Variants in NCKAP5 observed in about 807,000 individuals in gnomAD.
The protein encoded by NCKAP5 is NCK associated protein 5.
In NCKAP5, 92 loss-of-function variants were observed where a neutral mutation model predicts 167.0. The ratio of observed to expected loss-of-function variants is 0.55; its 90% CI spans 0.47 to 0.66. The LOEUF is 0.66. NCKAP5 is among the 30% of genes least tolerant of loss of function. NCKAP5 has a pLI of 0.00. For synonymous variants in NCKAP5, 891 were observed against 877.4 expected, an observed-to-expected ratio of 1.02 and a Z score of -0.27; for missense variants, 2,378 against 2,315.0, an observed-to-expected ratio of 1.03 and a Z score of -0.56.
intron 19 of NCKAP5, among the ~76,000 whole-genome samples, chr2:132,698,043 T>G (rs560105365): frequency 2.6e-5 from 4 of 152,226 alleles, no homozygotes; most frequent in Non-Finnish European, 5.9e-5. Context: ...AACTCACTGC[T>G]TACTTCTGCG....
Position 133,517,556 on chromosome 2 carries a change from T to G in NCKAP5, c.-30A>C, listed in dbSNP as rs1355019500. ...GAAGTTATTTATTTTCTTTTGTGAC[T>G]TATAAGAATCCCCCGTCTGTTTCCA... On this transcript the variant is annotated 5_prime_UTR_variant, in exon 3 of 20. Transcript: ENST00000409261. 7.0e-7 allele frequency: 1 copy of G among 1,421,340 alleles called. No individual in the cohort carries two copies. The highest frequency in any genetic ancestry group is 1.4e-5 in the African/African-American group (1 of 69,400). The allele number at this position is 1,421,340 out of a possible 1,614,324, so 88.0% of individuals were successfully genotyped here.
At chr2:132,931,726 G>T (rs1696392612) in intron 8 of NCKAP5, among the ~76,000 whole-genome samples, 1 of 152,080 alleles carries the variant, frequency 6.6e-6, no homozygotes, top group Non-Finnish European at 1.5e-5. Flanking sequence ...TTATTTTTCA[G>T]CCTCTTCCTA....
chr2:132,677,202 C>G (rs1684598986), intron 19 of NCKAP5, among the ~76,000 whole-genome samples: 1 of 151,864 alleles, frequency 6.6e-6, no homozygotes, highest in Non-Finnish European at 1.5e-5. Context: ...GTACAGATGA[C>G]TTTTTGGTGG....
chr2:133,582,664 C>T, the NCKAP5 span, among the ~76,000 whole-genome samples: 1 of 152,124 alleles, frequency 6.6e-6, no homozygotes, highest in Non-Finnish European at 1.5e-5. Context: ...CATAAATGTC[C>T]CCATTTTACA....
At chr2:133,616,875 T>C in the NCKAP5 span, among the ~76,000 whole-genome samples, 1 of 152,180 alleles carries the variant, frequency 6.6e-6, no homozygotes, top group Non-Finnish European at 1.5e-5. Context: ...ACCAATATCC[T>C]TGATGAACCT....
chr2:133,297,630 A>C (rs952845072), intron 4 of NCKAP5, among the ~76,000 whole-genome samples: 9 of 152,184 alleles, frequency 5.9e-5, no homozygotes, highest in Non-Finnish European at 7.4e-5. Flanking sequence ...CTTTGCACCT[A>C]GTCCTATATT....
chr2:133,329,967 C>A (rs1393824518), intron 3 of NCKAP5, among the ~76,000 whole-genome samples: 5 of 150,152 alleles, frequency 3.3e-5, no homozygotes, highest in African/African-American at 9.8e-5. Context: ...GAGGGGCCAG[C>A]GTCTAAGACA....
chr2:132,933,937 G>T (rs556967336), intron 8 of NCKAP5, among the ~76,000 whole-genome samples: 1 of 152,308 alleles, frequency 6.6e-6, no homozygotes, highest in Non-Finnish European at 1.5e-5. Context: ...ATTGTCGAGA[G>T]CATCAGCAGA....
chr2:133,441,550 T>C (rs748661127), intron 3 of NCKAP5, among the ~76,000 whole-genome samples: 8 of 152,228 alleles, frequency 5.3e-5, no homozygotes, highest in African/African-American at 1.7e-4. Flanking sequence ...AAATTGCCCA[T>C]GTAATCACAC....
intron 16 of NCKAP5, among the ~76,000 whole-genome samples, chr2:132,760,189 T>C (rs1680883642): frequency 6.6e-6 from 1 of 152,168 alleles, no homozygotes; most frequent in Non-Finnish European, 1.5e-5. Flanking sequence ...TTTACCACTT[T>C]CTCTACTTAA....
chr2:132,936,723 GC>G (rs1354403269), intron 8 of NCKAP5, among the ~76,000 whole-genome samples: 4 of 152,158 alleles, frequency 2.6e-5, no homozygotes, highest in African/African-American at 9.7e-5. Flanking sequence ...ACACAAATGT[GC>G]TTACAGTAAT....
chr2:133,384,242 A>C (rs911237440), intron 3 of NCKAP5, among the ~76,000 whole-genome samples: 2 of 152,206 alleles, frequency 1.3e-5, no homozygotes, highest in African/African-American at 4.8e-5. Context: ...TATAAAGTGT[A>C]AGGAAGGGAT....
chr2:133,352,054 G>C (rs1050465792), intron 3 of NCKAP5, among the ~76,000 whole-genome samples: 1 of 152,086 alleles, frequency 6.6e-6, no homozygotes, highest in Non-Finnish European at 1.5e-5. Context: ...GGGGTGACAG[G>C]ACCTGCAACC....
At chr2:133,498,312 G>A (rs73960213) in intron 3 of NCKAP5, among the ~76,000 whole-genome samples, 4,847 of 152,110 alleles carry the variant, frequency 0.032, 122 homozygotes, top group African/African-American at 0.06. Context: ...TTCCTTTCAG[G>A]ATATTTACAT....
intron 10 of NCKAP5, among the ~76,000 whole-genome samples, chr2:132,866,177 A>C (rs943925057): frequency 2.0e-5 from 3 of 152,216 alleles, no homozygotes; most frequent in African/African-American, 7.2e-5. Context: ...GTTCATATGA[A>C]CGAAAATAAC....
chr2:132,946,998 G>A (rs1222411609), intron 8 of NCKAP5, among the ~76,000 whole-genome samples: 1 of 152,134 alleles, frequency 6.6e-6, no homozygotes, highest in African/African-American at 2.4e-5. Flanking sequence ...AAAAAGTTGT[G>A]GTGTTTCTTA....
At chr2:133,663,155 A>G in the NCKAP5 span, among the ~76,000 whole-genome samples, 1 of 151,748 alleles carries the variant, frequency 6.6e-6, no homozygotes, top group African/African-American at 2.4e-5. Flanking sequence ...AGTCCCAGCT[A>G]CTCGGGAGGC....
At chr2:132,841,014 A>G (rs1490931081) in intron 11 of NCKAP5, among the ~76,000 whole-genome samples, 1 of 152,092 alleles carries the variant, frequency 6.6e-6, no homozygotes, top group African/African-American at 2.4e-5. Flanking sequence ...TGAAATACTG[A>G]CTTTGTCATA....
At chr2:132,888,402 T>C (rs987834932) in intron 8 of NCKAP5, among the ~76,000 whole-genome samples, 3 of 152,042 alleles carry the variant, frequency 2.0e-5, no homozygotes, top group Non-Finnish European at 2.9e-5. Context: ...TTCTTCTTTC[T>C]TTTTTTTGAG....
Sources: gnomAD v4.1 joint callset for allele counts (sites outside exome capture counted in the v4.1 genomes callset) on GRCh38, gnomAD v4.1.1 for gene constraint, MANE v1.5 for transcripts, NCBI Gene and HGNC (gene_info 2026-07-23, HGNC 2026-07-21) for gene names.